The following INPP4B variants were observed in gnomAD, a reference collection of about 807,000 sequenced individuals.
The protein encoded by INPP4B is inositol polyphosphate 4-phosphatase type II.
In INPP4B, 55 loss-of-function variants were observed where a neutral mutation model predicts 122.5. That is an observed-to-expected ratio of 0.45 (90% confidence interval 0.36 to 0.56). INPP4B has a LOEUF of 0.56. Ranked by LOEUF, INPP4B falls within the 20% of genes least tolerant of loss-of-function variation. The pLI is 0.00. For synonymous variants in INPP4B, 403 were observed against 388.7 expected (o/e 1.04, Z -0.43); for missense variants, 1,000 against 1,097.7 (o/e 0.91, Z 1.26).
chr4:142,359,013 C>A (rs1462900225), intron 7 of INPP4B, among the ~76,000 whole-genome samples: 1 of 151,938 alleles, frequency 6.6e-6, no homozygotes, highest in Non-Finnish European at 1.5e-5. Flanking sequence ...TACTGCAATA[C>A]TGGGTCTGGC....
intron 21 of INPP4B, among the ~76,000 whole-genome samples, chr4:142,120,224 T>C (rs1389813035): frequency 6.6e-6 from 1 of 152,144 alleles, no homozygotes; most frequent in African/African-American, 2.4e-5. Flanking sequence ...ATGCTAATAC[T>C]ACATTGTCTT....
intron 1 of INPP4B, among the ~76,000 whole-genome samples, chr4:142,759,296 A>G (rs1259560175): frequency 6.6e-6 from 1 of 152,138 alleles, no homozygotes; most frequent in Non-Finnish European, 1.5e-5. Flanking sequence ...TCTGTCACCA[A>G]CTTTAATTTT....
intron 2 of INPP4B, among the ~76,000 whole-genome samples, chr4:142,649,927 G>T (rs1013977995): frequency 6.6e-6 from 1 of 152,254 alleles, no homozygotes; most frequent in Non-Finnish European, 1.5e-5. Context: ...GATTCACCAA[G>T]GTTGAAATGA....
intron 2 of INPP4B, among the ~76,000 whole-genome samples, chr4:142,594,217 C>T (rs948306064): frequency 6.6e-6 from 1 of 152,116 alleles, no homozygotes; most frequent in Admixed American, 6.5e-5. Flanking sequence ...TTGCACCAGA[C>T]ATTTCCCAGT....
rs566207171 is a variant in INPP4B, at chr4:142,150,719, C to T, written c.1564-4723G>A. On this transcript the variant is annotated intron_variant, in intron 17 of 25. Coordinates refer to ENST00000262992, the MANE Select transcript of INPP4B (RefSeq NM_001101669.3). ...CAGTAGATGCAAAAATGTTGATGGA[C>T]GTCGCCAGGGGGACATTACACCTGG... 4.6e-5 allele frequency among the ~76,000 whole-genome samples: 7 copies of T among 152,222 alleles called. No individual in the cohort carries two copies. The South Asian group carries it at 6.2e-4, about 14-fold the overall frequency.
chr4:142,485,565 T>C (rs1274113455), intron 2 of INPP4B, among the ~76,000 whole-genome samples: 1 of 152,172 alleles, frequency 6.6e-6, no homozygotes, highest in Non-Finnish European at 1.5e-5. Flanking sequence ...TTATGACTTC[T>C]ACTTTACGGA....
intron 2 of INPP4B, among the ~76,000 whole-genome samples, chr4:142,712,856 T>G (rs1274181884): frequency 6.6e-6 from 1 of 152,182 alleles, no homozygotes; most frequent in Non-Finnish European, 1.5e-5. Flanking sequence ...AATAACTCTC[T>G]TAGGTTTTAC....
intron 2 of INPP4B, among the ~76,000 whole-genome samples, chr4:142,692,323 A>T (rs1760308705): frequency 6.6e-6 from 1 of 152,216 alleles, no homozygotes; most frequent in African/African-American, 2.4e-5. Flanking sequence ...ATTAATAGGA[A>T]GTATCCTTTC....
At chr4:142,443,519 A>G (rs1301334039) in intron 3 of INPP4B, among the ~76,000 whole-genome samples, 2 of 152,188 alleles carry the variant, frequency 1.3e-5, no homozygotes, top group Non-Finnish European at 1.5e-5. Context: ...TTATTACTAT[A>G]GAGTGATCGG....
chr4:142,423,980 A>T (rs1807501595), intron 5 of INPP4B, among the ~76,000 whole-genome samples: 1 of 152,032 alleles, frequency 6.6e-6, no homozygotes, highest in Non-Finnish European at 1.5e-5. Context: ...TTGTATAATA[A>T]ATAATGATTT....
intron 2 of INPP4B, among the ~76,000 whole-genome samples, chr4:142,659,434 A>C (rs1754762760): frequency 6.6e-6 from 1 of 151,798 alleles, no homozygotes; most frequent in South Asian, 2.1e-4. Context: ...GACTGGAGAG[A>C]GAGAAATTAT....
chr4:142,044,721 G>T (rs1750379568), intron 25 of INPP4B, among the ~76,000 whole-genome samples: 1 of 152,146 alleles, frequency 6.6e-6, no homozygotes, highest in African/African-American at 2.4e-5. Context: ...AAGTAGGGAA[G>T]ATCCAAGAAT....
Position 142,303,585 on chromosome 4 carries a change from A to T in INPP4B, c.503+1873T>A. ...TTTTTAAAAAAGCCATCTACCAGAA[A>T]TCAAGAGGCTACGATAAATCTATAA... On this transcript the variant is annotated intron_variant, in intron 9 of 25. Transcript: ENST00000262992. Among the ~76,000 whole-genome samples the T allele has an allele frequency of 1.3e-5, 2 of 152,128 alleles. 1 individual carries two copies. Among genetic ancestry groups the T allele is most frequent in the Non-Finnish European group, 2.9e-5 (2 of 68,008 alleles).
intron 3 of INPP4B, among the ~76,000 whole-genome samples, chr4:142,440,185 T>G (rs534081937): frequency 3.9e-5 from 6 of 152,174 alleles, no homozygotes; most frequent in Non-Finnish European, 7.3e-5. Context: ...CACACAGAAA[T>G]AACTAACTTA....
chr4:142,574,547 G>A lies in INPP4B; in HGVS notation c.-190-111821C>T, dbSNP rs543654096. On this transcript the variant is annotated intron_variant, in intron 2 of 25. Coordinates refer to ENST00000262992, the MANE Select transcript of INPP4B (RefSeq NM_001101669.3). Reference sequence around the variant, plus strand: ...GAAAGTTACTTGAAGCTTACAGAGTGAGTTTCTCCGGAAACACCATGTTCT... The same window carrying A: ...GAAAGTTACTTGAAGCTTACAGAGTAAGTTTCTCCGGAAACACCATGTTCT... 4.6e-5 allele frequency among the ~76,000 whole-genome samples: 7 copies of A among 152,174 alleles called. No homozygotes were observed. The South Asian group carries it at 1.4e-3, about 32-fold the overall frequency.
intron 1 of INPP4B, among the ~76,000 whole-genome samples, chr4:142,749,702 C>A (rs1769354788): frequency 6.6e-6 from 1 of 151,886 alleles, no homozygotes; most frequent in Admixed American, 6.6e-5. Flanking sequence ...TGATACAATT[C>A]TTTTGGAAGA....
chr4:142,595,881 A>T (rs1045915215), intron 2 of INPP4B, among the ~76,000 whole-genome samples: 3 of 151,938 alleles, frequency 2.0e-5, no homozygotes, highest in Non-Finnish European at 4.4e-5. Flanking sequence ...ATTTTTTGAG[A>T]TGGAGTCTTG....
At chr4:142,086,015 T>G in intron 24 of INPP4B, 129 bp downstream of exon 24, 1 of 674,738 alleles carries the variant, frequency 1.5e-6, no homozygotes. Context: ...AAATGCCTAA[T>G]CCATGGACTA....
intron 7 of INPP4B, among the ~76,000 whole-genome samples, chr4:142,376,623 G>T (rs925464866): frequency 6.6e-6 from 1 of 151,916 alleles, no homozygotes; most frequent in Non-Finnish European, 1.5e-5. Context: ...TTAAAAGGCC[G>T]CTCTTAGCCA....
Sources: gnomAD v4.1 joint callset for allele counts (sites outside exome capture counted in the v4.1 genomes callset) on GRCh38, gnomAD v4.1.1 for gene constraint, MANE v1.5 for transcripts, NCBI Gene and HGNC (gene_info 2026-07-23, HGNC 2026-07-21) for gene names.